Variants in ZNF324B observed in about 807,000 individuals in gnomAD.
ZNF324B encodes the protein zinc finger protein 324B.
Under a neutral mutation model 10.6 loss-of-function variants are expected in ZNF324B, and 7 were observed. That is an observed-to-expected ratio of 0.66 (90% CI 0.38 to 1.24). ZNF324B has a LOEUF of 1.24. Among genes scored for constraint, ZNF324B ranks in the 50% most tolerant of loss-of-function variants. ZNF324B has a pLI of 0.02. For missense variants in ZNF324B, 640 were observed against 764.7 expected (o/e 0.84, Z 1.92); for synonymous variants, 316 against 321.0 (o/e 0.98, Z 0.17).
At position 58,456,343 on chromosome 19, in the gene ZNF324B, G is replaced by GTGC; in HGVS notation, c.1404_1406dup (p.Leu469dup). 1.2e-6 allele frequency: 2 copies of GTGC among 1,612,480 alleles called. No homozygotes were observed. Among genetic ancestry groups the GTGC allele is most frequent in the Non-Finnish European group, 1.7e-6 (2 of 1,179,874 alleles). ...TGGCAAGGGTTTCGCCAAGGGCGCC[G>GTGC]TGCTGCTCAGCCACCGGCGCATTCA... On this transcript the variant is annotated inframe_insertion, in exon 4 of 4. Transcript: ENST00000336614. The surrounding 1 kb of genome is among the most constrained non-coding windows in gnomAD (Gnocchi z 4.7).
chr19:58,423,377 G>A, the ZNF324B span, among the ~76,000 whole-genome samples: 6 of 152,090 alleles, frequency 3.9e-5, no homozygotes, highest in African/African-American at 1.2e-4. Flanking sequence ...GGCCAGGCTG[G>A]TCTCAAACTC....
At chr19:58,421,894 T>C in the ZNF324B span, among the ~76,000 whole-genome samples, 1 of 152,026 alleles carries the variant, frequency 6.6e-6, no homozygotes, top group Non-Finnish European at 1.5e-5. Context: ...ATTTGCAGAT[T>C]CAATGCAGTC....
chr19:58,455,020 G>T lies in ZNF324B; in HGVS notation c.239-163G>T, dbSNP rs764259656. On this transcript the variant is annotated intron_variant, in intron 3 of 3. Transcript: ENST00000336614. The surrounding 1 kb of genome is among the most constrained non-coding windows in gnomAD (Gnocchi z 7.0). The stretch of plus-strand genomic sequence containing the variant: ...CAGTGCCACACCTGTCAGGGCAGAT[G>T]CTTCCTCCAAACCCCAGCCCCTCCT... The T allele has an allele frequency of 2.7e-5, 25 of 943,048 alleles. No individual in the cohort carries two copies. In the Admixed American group the frequency reaches 4.9e-4, roughly 19 times the overall value. 58.4% of individuals were successfully genotyped at this position (943,048 alleles called of 1,614,324 possible). A position where few individuals can be genotyped will look rare whatever the true frequency, so the allele number is the denominator to read the frequency against.
intron 1 of ZNF324B, chr19:58,453,081 A>AT (rs2052876987): frequency 8.9e-6 from 1 of 112,706 alleles, no homozygotes; most frequent in Non-Finnish European, 1.8e-5. Context: ...TCTCCAAAAT[A>AT]AAAATAAATA....
At chr19:58,447,985 A>G (rs1568601226), upstream of ZNF324B, among the ~76,000 whole-genome samples, 1 of 152,294 alleles carries the variant, frequency 6.6e-6, no homozygotes, top group East Asian at 1.9e-4. Flanking sequence ...CATGATTGTG[A>G]GGCCTCCCAG....
chr19:58,452,967 C>G (rs181175467), intron 1 of ZNF324B, among the ~76,000 whole-genome samples: 1 of 151,794 alleles, frequency 6.6e-6, no homozygotes, highest in Non-Finnish European at 1.5e-5. Context: ...GGTGTGGTGG[C>G]GGGAGGCTGA....
At chr19:58,422,272 A>T in the ZNF324B span, among the ~76,000 whole-genome samples, 2 of 152,308 alleles carry the variant, frequency 1.3e-5, no homozygotes, top group South Asian at 4.1e-4. Context: ...ATACCTCAAC[A>T]TAATAATGGC....
the ZNF324B span, among the ~76,000 whole-genome samples, chr19:58,425,258 A>AG: frequency 2.6e-5 from 4 of 151,232 alleles, no homozygotes; most frequent in African/African-American, 9.7e-5. Context: ...TCCATCTCAA[A>AG]AAAAAAAAAA....
chr19:58,432,191 C>T, the ZNF324B span: 39 of 408,080 alleles, frequency 9.6e-5, 1 homozygote, highest in East Asian at 8.1e-4. Flanking sequence ...CTTTCCTGGA[C>T]GTCAGGCTAT....
chr19:58,448,700 C>G (rs1214153862), upstream of ZNF324B, among the ~76,000 whole-genome samples: 1 of 152,054 alleles, frequency 6.6e-6, no homozygotes, highest in Non-Finnish European at 1.5e-5. Flanking sequence ...GCCCTGCAGC[C>G]TGGGTGACAG....
the ZNF324B span, chr19:58,443,490 C>T: frequency 1.1e-4 from 17 of 152,478 alleles, no homozygotes; most frequent in African/African-American, 3.8e-4. Context: ...CACCCACTCC[C>T]ACGCCCTTGT....
Position 58,455,970 on chromosome 19 carries a change from C to T in ZNF324B, c.1026C>T (p.Arg342=), listed in dbSNP as rs1317640241. ...QRIHTAEKSF[R]CSECGKAFSH... ...TCCACACGGCCGAGAAGTCCTTCCG[C>T]TGCTCCGAGTGCGGCAAGGCCTTCA... The change falls in exon 4 of 4, where the codon CGC becomes CGT. Residue 342 remains arginine (R), a synonymous_variant. Coordinates refer to ENST00000336614, the MANE Select transcript of ZNF324B (RefSeq NM_207395.3). This position sits in a 1 kb window ranked among gnomAD's most constrained non-coding sequence, Gnocchi z 7.0. 1 of 1,591,128 alleles carries T rather than the reference C, an allele frequency of 6.3e-7. No homozygotes were observed. Among genetic ancestry groups the T allele is most frequent in the Non-Finnish European group, 8.6e-7 (1 of 1,166,372 alleles).
At chr19:58,432,170 T>C in the ZNF324B span, 1 of 382,482 alleles carries the variant, frequency 2.6e-6, no homozygotes, top group Non-Finnish European at 5.2e-6. Context: ...CTGGCCAGAC[T>C]GCAAAAACCA....
At position 58,453,722 on chromosome 19, in the gene ZNF324B, C is replaced by G. The variant is rs771187888; in HGVS notation, c.21C>G (p.Ala7=). 5 of 1,614,196 alleles carry G rather than the reference C, an allele frequency of 3.1e-6. No homozygotes were observed. Among genetic ancestry groups the G allele is most frequent in the Non-Finnish European group, 3.4e-6 (4 of 1,180,026 alleles). MTFEDV[A]VYFSQEEWGL... ...ACCTGATGACCTTCGAGGATGTGGCCGTGTACTTCTCCCAGGAGGAGTGGG... is the reference window on the plus strand; with the variant it reads ...ACCTGATGACCTTCGAGGATGTGGCGGTGTACTTCTCCCAGGAGGAGTGGG... The change falls in exon 2 of 4, where the codon GCC becomes GCG. Residue 7 remains alanine (A), a synonymous_variant. Transcript: ENST00000336614.
the ZNF324B span, among the ~76,000 whole-genome samples, chr19:58,423,304 G>A: frequency 6.6e-6 from 1 of 152,122 alleles, no homozygotes; most frequent in African/African-American, 2.4e-5. Flanking sequence ...GGGACTGTTG[G>A]CATGTGCCAC....
chr19:58,436,734 T>C, the ZNF324B span, among the ~76,000 whole-genome samples: 1 of 146,022 alleles, frequency 6.8e-6, no homozygotes, highest in East Asian at 2.0e-4. Flanking sequence ...AATCTGGGCA[T>C]GACCTCATAC....
At chr19:58,440,133 C>G in the ZNF324B span, 3 of 414,812 alleles carry the variant, frequency 7.2e-6, no homozygotes, top group South Asian at 3.0e-5. Context: ...AACCCACCAG[C>G]AGCAAAATGA....
At chr19:58,426,938 G>A in the ZNF324B span, among the ~76,000 whole-genome samples, 4 of 152,160 alleles carry the variant, frequency 2.6e-5, no homozygotes, top group African/African-American at 9.7e-5. Flanking sequence ...TGGTAACCTG[G>A]ACAGCTCAAA....
chr19:58,424,647 A>G, the ZNF324B span, among the ~76,000 whole-genome samples: 2 of 152,174 alleles, frequency 1.3e-5, no homozygotes, highest in Non-Finnish European at 2.9e-5. Context: ...AGTGTGATAA[A>G]TTTTTTTGAA....
Sources: gnomAD v4.1 joint callset for allele counts (sites outside exome capture counted in the v4.1 genomes callset) on GRCh38, gnomAD v4.1.1 for gene constraint, Gnocchi (gnomAD v3.1) non-coding constraint, MANE v1.5 for transcripts, NCBI Gene and HGNC (gene_info 2026-07-23, HGNC 2026-07-21) for gene names.